The following ZCCHC4 variants were observed in gnomAD, a reference collection of about 807,000 sequenced individuals.
The protein encoded by ZCCHC4 is zinc finger CCHC-type containing 4, also known as rRNA N(6)-adenosine-methyltransferase ZCCHC4.
ZCCHC4 carries 54 observed loss-of-function variants against 67.7 expected under a neutral mutation model. The observed-to-expected ratio is 0.80, with a 90% CI of 0.64 to 1.00. ZCCHC4 has a LOEUF of 1.00. Among genes scored for constraint, ZCCHC4 ranks in the 50% least tolerant of loss-of-function variants. The pLI, the probability that ZCCHC4 is intolerant of heterozygous loss-of-function variation, is 0.00. For synonymous variants in ZCCHC4, 198 were observed against 213.5 expected (o/e 0.93, Z 0.63); for missense variants, 609 against 617.0 (o/e 0.99, Z 0.14).
intron 12 of ZCCHC4, among the ~76,000 whole-genome samples, chr4:25,367,039 T>C (rs138548051): frequency 8.9e-4 from 136 of 152,266 alleles, no homozygotes; most frequent in East Asian, 3.1e-3. Flanking sequence ...TATAGTGAAA[T>C]TGACAAAGCA....
At chr4:25,344,965 G>A (rs1190937973) in intron 5 of ZCCHC4, among the ~76,000 whole-genome samples, 1 of 151,932 alleles carries the variant, frequency 6.6e-6, no homozygotes, top group Non-Finnish European at 1.5e-5. Context: ...ACCACGCCTG[G>A]CTAATTTTTG....
Position 25,351,646 on chromosome 4 carries a change from G to T in ZCCHC4, c.968G>T (p.Arg323Leu), listed in dbSNP as rs755637965. ...FWIFPYFFES[R>L]ICQFFPSFQM... ...ATTTTCCCCTATTTTTTTGAATCCC[G>T]AATTTGTCAGTTTTTTCCAAGCTTC... Residue 323 changes from arginine to leucine, a missense_variant, in exon 8 of 13, where the codon CGA becomes CTA. By Grantham distance (102) the Arg-to-Leu change is moderately radical. Transcript: ENST00000302874. 1 of 1,611,648 alleles carries T rather than the reference G, an allele frequency of 6.2e-7. No individual in the cohort carries two copies. Among genetic ancestry groups the T allele is most frequent in the Non-Finnish European group, 8.5e-7 (1 of 1,179,106 alleles).
At chr4:25,365,944 A>C in intron 12 of ZCCHC4, 1 of 983,948 alleles carries the variant, frequency 1.0e-6, no homozygotes, top group Non-Finnish European at 1.2e-6. Flanking sequence ...AACTAATGTT[A>C]CACAGTTATT....
In ZCCHC4 at chr4:25,333,463, G is replaced by A; in HGVS notation, c.605+5G>A. 6.2e-7 allele frequency: 1 copy of A among 1,612,520 alleles called. No homozygotes were observed. The highest frequency in any genetic ancestry group is 8.5e-7 in the Non-Finnish European group (1 of 1,179,106). ...ACTGTGTGTTGGAACACCAAGGTAT[G>A]TCATGTGATTTTTTAAAGAATTATC... is the stretch of plus-strand genomic sequence containing the variant. On this transcript the variant is annotated splice_donor_5th_base_variant and intron_variant, in intron 4 of 12. Transcript: ENST00000302874.
chr4:25,370,101 G>C lies in ZCCHC4; in HGVS notation c.*937G>C, dbSNP rs1721089275. 1 of 152,188 alleles carries C rather than the reference G, an allele frequency of 6.6e-6. No homozygotes were observed. Among genetic ancestry groups the C allele is most frequent in the African/African-American group, 2.4e-5 (1 of 41,454 alleles). The allele number at this position is 152,188 out of a possible 1,614,324, so 9.4% of individuals were successfully genotyped here. A position where few individuals can be genotyped will look rare whatever the true frequency, so the allele number is the denominator to read the frequency against. ...TCACTTAAATGCTTGTTGAATGAGT[G>C]AGATGTTTAGAACTACGACTTGCTC... is the stretch of plus-strand genomic sequence containing the variant. On this transcript the variant is annotated 3_prime_UTR_variant, in exon 13 of 13. Coordinates refer to ENST00000302874, the MANE Select transcript of ZCCHC4 (RefSeq NM_024936.3).
At chr4:25,367,333 A>G (rs1720991300) in intron 12 of ZCCHC4, among the ~76,000 whole-genome samples, 1 of 152,196 alleles carries the variant, frequency 6.6e-6, no homozygotes, top group East Asian at 1.9e-4. Context: ...TCATCATTCA[A>G]AAACTTTATC....
In ZCCHC4 at chr4:25,359,724, A is replaced by C. The variant is rs1449420696; in HGVS notation, c.1012-2135A>C. Among the ~76,000 whole-genome samples the C allele has an allele frequency of 6.6e-6, 1 of 152,218 alleles. No homozygotes were observed. The highest frequency in any genetic ancestry group is 6.5e-5 in the Admixed American group (1 of 15,284). On this transcript the variant is annotated intron_variant, in intron 8 of 12. Transcript: ENST00000302874. This position sits in a 1 kb window ranked among gnomAD's most constrained non-coding sequence, Gnocchi z 4.9. ...TGGAGACAGTTGTTTCCAGAGCAACAATTCCAGAAAATACCCAAGCAGGAG... is the reference window on the plus strand; with the variant it reads ...TGGAGACAGTTGTTTCCAGAGCAACCATTCCAGAAAATACCCAAGCAGGAG...
intron 12 of ZCCHC4, among the ~76,000 whole-genome samples, chr4:25,367,470 A>T (rs1720994238): frequency 6.6e-6 from 1 of 152,192 alleles, no homozygotes; most frequent in African/African-American, 2.4e-5. Flanking sequence ...GGATGAGCCA[A>T]AGAGAAACTT....
intron 5 of ZCCHC4, among the ~76,000 whole-genome samples, chr4:25,335,115 A>G (rs1055888524): frequency 1.3e-5 from 2 of 152,194 alleles, no homozygotes; most frequent in African/African-American, 4.8e-5. Context: ...GCCACCAAGC[A>G]CTAAACAGAT....
chr4:25,323,123 C>T (rs1191338555), intron 3 of ZCCHC4, among the ~76,000 whole-genome samples: 1 of 152,224 alleles, frequency 6.6e-6, no homozygotes. Flanking sequence ...AGCTCCCCAT[C>T]AGCCCTTTGT....
chr4:25,324,937 C>G (rs1718784501), intron 3 of ZCCHC4, among the ~76,000 whole-genome samples: 3 of 152,118 alleles, frequency 2.0e-5, no homozygotes, highest in African/African-American at 7.2e-5. Flanking sequence ...ATTCCTTTAC[C>G]TGGCATATAA....
rs201248158 is a variant in ZCCHC4, at chr4:25,344,785, C to CA, written c.687-752dup. On this transcript the variant is annotated intron_variant, in intron 5 of 12. Transcript: ENST00000302874. ...TTTTATTAAGCTAGCCTGCGTTAGA[C>CA]AAAAAAAAAAATTTGTATTACTTTT... is the stretch of plus-strand genomic sequence containing the variant. Among the ~76,000 whole-genome samples the CA allele has an allele frequency of 7.3e-3, 990 of 135,302 alleles. 7 individuals are homozygous for CA. Among genetic ancestry groups the CA allele is most frequent in the African/African-American group, 0.025 (915 of 36,942 alleles). The allele number at this position is 135,302 out of a possible 152,430, so 88.8% of individuals were successfully genotyped here. A position where few individuals can be genotyped will look rare whatever the true frequency, so the allele number is the denominator to read the frequency against.
intron 3 of ZCCHC4, among the ~76,000 whole-genome samples, chr4:25,332,317 A>G (rs1719226464): frequency 7.0e-6 from 1 of 142,582 alleles, no homozygotes; most frequent in Non-Finnish European, 1.5e-5. Flanking sequence ...AAAAAAAAAA[A>G]GATATGACTC....
chr4:25,361,833 T>G (rs761494547), intron 8 of ZCCHC4, 26 bp from the exon 9 acceptor site: 1 of 1,578,764 alleles, frequency 6.3e-7, no homozygotes, highest in Non-Finnish European at 8.6e-7. Flanking sequence ...TAAATTTTCT[T>G]TCTGCTCTAA....
chr4:25,337,050 T>C (rs76510838), intron 5 of ZCCHC4, among the ~76,000 whole-genome samples: 1,898 of 152,354 alleles, frequency 0.012, 44 homozygotes, highest in African/African-American at 0.044. Context: ...CTTTCTCATA[T>C]AGTCAGTTTC....
chr4:25,336,898 A>G (rs1719487918), intron 5 of ZCCHC4, among the ~76,000 whole-genome samples: 1 of 152,206 alleles, frequency 6.6e-6, no homozygotes, highest in Non-Finnish European at 1.5e-5. Flanking sequence ...CAGATGAGAA[A>G]ACTGAGGCAT....
chr4:25,319,559 T>C (rs1718468384), intron 3 of ZCCHC4, among the ~76,000 whole-genome samples: 1 of 152,192 alleles, frequency 6.6e-6, no homozygotes, highest in Non-Finnish European at 1.5e-5. Flanking sequence ...GTAATCAATG[T>C]TCCTATGCTT....
chr4:25,353,137 C>T (rs2109084977), intron 8 of ZCCHC4, among the ~76,000 whole-genome samples: 1 of 152,208 alleles, frequency 6.6e-6, no homozygotes, highest in East Asian at 1.9e-4. Context: ...ACAGGCTATT[C>T]CCTTCTTTTT....
chr4:25,368,813 T>A (rs1266918410), intron 12 of ZCCHC4, among the ~76,000 whole-genome samples: 3 of 152,246 alleles, frequency 2.0e-5, no homozygotes, highest in Non-Finnish European at 4.4e-5. Context: ...TAACCATCTT[T>A]TAAAGAATTT....
Sources: gnomAD v4.1 joint callset for allele counts (sites outside exome capture counted in the v4.1 genomes callset) on GRCh38, gnomAD v4.1.1 for gene constraint, Gnocchi (gnomAD v3.1) non-coding constraint, MANE v1.5 for transcripts, NCBI Gene and HGNC (gene_info 2026-07-23, HGNC 2026-07-21) for gene names.